ADCY5: variants seen among roughly 807,000 people sequenced by gnomAD.
ADCY5 encodes adenylate cyclase type 5.
A neutral mutation model predicts 119.7 loss-of-function variants in ADCY5; 30 were observed. The ratio of observed to expected loss-of-function variants is 0.25; its 90% CI spans 0.19 to 0.34. ADCY5 has a LOEUF of 0.34. Among genes scored for constraint, ADCY5 ranks in the 10% least tolerant of loss-of-function variants. The pLI, the probability that ADCY5 is intolerant of heterozygous loss-of-function variation, is 1.00. For missense variants in ADCY5, 1,324 were observed against 1,775.2 expected (o/e 0.75, Z 4.57); for synonymous variants, 753 against 762.2 (o/e 0.99, Z 0.20).
In ADCY5 at chr3:123,286,194, G is replaced by A. The variant is rs570261265; in HGVS notation, c.3657+491C>T. ...CCCAGCTCGCAAAGGAGGGAGCAAG[G>A]GGAAAAGGCCTCTGAGTCTGTGGCC... On this transcript the variant is annotated intron_variant, in intron 20 of 20. Coordinates refer to ENST00000462833, the MANE Select transcript of ADCY5 (RefSeq NM_183357.3). The surrounding 1 kb of genome is among the most constrained non-coding windows in gnomAD (Gnocchi z 4.2). Among the ~76,000 whole-genome samples, 1 of 152,316 alleles carries A rather than the reference G, an allele frequency of 6.6e-6. No homozygotes were observed. Among genetic ancestry groups the A allele is most frequent in the Admixed American group, 6.5e-5 (1 of 15,308 alleles).
intron 1 of ADCY5, among the ~76,000 whole-genome samples, chr3:123,430,159 C>A (rs183511403): frequency 6.6e-6 from 1 of 152,350 alleles, no homozygotes; most frequent in East Asian, 1.9e-4. Context: ...CATTCCATAT[C>A]TTTCAGTTCC....
At chr3:123,339,359 AT>A (rs1480253686) in intron 3 of ADCY5, among the ~76,000 whole-genome samples, 1 of 152,150 alleles carries the variant, frequency 6.6e-6, no homozygotes, top group Non-Finnish European at 1.5e-5. Context: ...GTGTGGTCTT[AT>A]TAACACTGGG....
chr3:123,358,190 G>GTGTGTT (rs1241540478), intron 1 of ADCY5, among the ~76,000 whole-genome samples: 2 of 116,208 alleles, frequency 1.7e-5, no homozygotes, highest in Non-Finnish European at 4.0e-5. Flanking sequence ...GTGTGTGTGT[G>GTGTGTT]TGTGTAGGGA....
chr3:123,322,692 G>A (rs1941286102), intron 8 of ADCY5, among the ~76,000 whole-genome samples: 1 of 152,174 alleles, frequency 6.6e-6, no homozygotes, highest in South Asian at 2.1e-4. Flanking sequence ...GGTTTGGTGA[G>A]AGGAGCTCAA....
chr3:123,339,423 A>T (rs1942173621), intron 3 of ADCY5, among the ~76,000 whole-genome samples: 1 of 152,126 alleles, frequency 6.6e-6, no homozygotes, highest in Non-Finnish European at 1.5e-5. Context: ...AAAAAAGATG[A>T]GAGAGGGGCA....
At position 123,296,192 on chromosome 3, in the gene ADCY5, T is replaced by C. The variant is rs1939493756; in HGVS notation, c.2955A>G (p.Ala985=). Residue 985 remains alanine (A), a synonymous_variant, in exon 17 of 21, where the codon GCA becomes GCG. Coordinates refer to ENST00000462833, the MANE Select transcript of ADCY5 (RefSeq NM_183357.3). The part of the protein sequence containing the change: ...SQCPEHATKV[A]LKVVTPIIIS... ...TGATGATGGGCGTCACCACCTTCAA[T>C]GCCACCTTGGTTGCATGCTCAGGGC... The C allele has an allele frequency of 6.2e-7, 1 of 1,613,814 alleles. No individual in the cohort carries two copies. The highest frequency in any genetic ancestry group is 1.7e-5 in the Admixed American group (1 of 60,002).
intron 1 of ADCY5, among the ~76,000 whole-genome samples, chr3:123,413,516 G>A (rs1283889288): frequency 6.6e-6 from 1 of 152,200 alleles, no homozygotes; most frequent in Non-Finnish European, 1.5e-5. Context: ...CCTGTGTTGA[G>A]AGGCCAGGTC....
intron 1 of ADCY5, among the ~76,000 whole-genome samples, chr3:123,431,460 G>A (rs976905257): frequency 4.0e-5 from 6 of 150,232 alleles, no homozygotes; most frequent in Non-Finnish European, 8.9e-5. Flanking sequence ...AAAAAAAAAT[G>A]AGAGAGAGGA....
intron 1 of ADCY5, among the ~76,000 whole-genome samples, chr3:123,412,405 A>G (rs1183972448): frequency 6.6e-6 from 1 of 152,220 alleles, no homozygotes; most frequent in East Asian, 1.9e-4. Context: ...GATGCCAGAC[A>G]ACGCAACCAC....
rs138488088 is a variant in ADCY5 at position 123,447,636 on chromosome 3, C to T, written c.910G>A (p.Ala304Thr). 111 of 1,608,850 alleles carry T rather than the reference C, an allele frequency of 6.9e-5. No individual in the cohort carries two copies. In the African/African-American group the frequency reaches 1.4e-3, roughly 20 times the overall value. The change falls in exon 1 of 21, where the codon GCG (alanine) becomes ACG (threonine). Residue 304 changes from alanine (A) to threonine (T), a missense_variant. Physicochemically the swap from Ala to Thr is moderately conservative, Grantham distance 58. Transcript: ENST00000462833. ...HQDHMGLACY[A>T]LIAVVLAVQV... is the part of the protein sequence containing the mutation. ...ACGGCCAGCACCACGGCGATGAGCG[C>T]ATAGCAGGCCAGGCCCATGTGGTCC...
At chr3:123,423,131 C>T (rs1945334170) in intron 1 of ADCY5, among the ~76,000 whole-genome samples, 1 of 152,174 alleles carries the variant, frequency 6.6e-6, no homozygotes, top group Non-Finnish European at 1.5e-5. Context: ...TCTGGCCTCA[C>T]TCTTGAGCCC....
intron 3 of ADCY5, among the ~76,000 whole-genome samples, chr3:123,345,288 C>T (rs768343844): frequency 3.9e-5 from 6 of 152,218 alleles, no homozygotes; most frequent in Non-Finnish European, 7.3e-5. Context: ...TGGGCCGAGG[C>T]GCAGGGGTGG....
chr3:123,284,585 C>T lies in ADCY5; in HGVS notation c.*23G>A. 5.6e-6 allele frequency: 9 copies of T among 1,614,024 alleles called. No homozygotes were observed. The highest frequency in any genetic ancestry group is 1.1e-5 in the South Asian group (1 of 91,070). ...TCCATGCCTCTGGAGGCCAGGCTGCCTGGCACCATTGGCCAACAGCTGCTA... is the reference window on the plus strand; with the variant it reads ...TCCATGCCTCTGGAGGCCAGGCTGCTTGGCACCATTGGCCAACAGCTGCTA... On this transcript the variant is annotated 3_prime_UTR_variant, in exon 21 of 21. Transcript: ENST00000462833.
chr3:123,312,211 G>A (rs1325025035), intron 12 of ADCY5, among the ~76,000 whole-genome samples: 1 of 152,186 alleles, frequency 6.6e-6, no homozygotes, highest in Non-Finnish European at 1.5e-5. Context: ...AAAAATGGCA[G>A]ACTATGCGCA....
intron 1 of ADCY5, among the ~76,000 whole-genome samples, chr3:123,398,577 C>T (rs994068383): frequency 2.0e-5 from 3 of 152,190 alleles, no homozygotes; most frequent in Non-Finnish European, 4.4e-5. Context: ...TCAGCTCAAG[C>T]GCCTAAAATA....
At position 123,439,981 on chromosome 3, in the gene ADCY5, C is replaced by T. The variant is rs573097502; in HGVS notation, c.1134+7431G>A. Among the ~76,000 whole-genome samples the T allele has an allele frequency of 1.2e-4, 18 of 152,276 alleles. No homozygotes were observed. The South Asian group carries it at 3.5e-3, about 30-fold the overall frequency. ...TTGCAGCAGGAGGGATTTTGGAAGC[C>T]CTGCTCAGAGTTTAGGATTACAACC... On this transcript the variant is annotated intron_variant, in intron 1 of 20. Coordinates refer to ENST00000462833, the MANE Select transcript of ADCY5 (RefSeq NM_183357.3).
At chr3:123,390,469 G>A (rs1407083720) in intron 1 of ADCY5, among the ~76,000 whole-genome samples, 1 of 152,238 alleles carries the variant, frequency 6.6e-6, no homozygotes, top group Non-Finnish European at 1.5e-5. Context: ...AGGTGAACAG[G>A]TGGCCTGTGG....
chr3:123,304,612 G>C (rs1940097998), intron 12 of ADCY5, among the ~76,000 whole-genome samples: 1 of 152,128 alleles, frequency 6.6e-6, no homozygotes, highest in African/African-American at 2.4e-5. Flanking sequence ...GGGCAGCGGT[G>C]AGTTTAAGGA....
At chr3:123,396,510 A>G (rs889044588) in intron 1 of ADCY5, among the ~76,000 whole-genome samples, 1 of 123,048 alleles carries the variant, frequency 8.1e-6, no homozygotes, top group Non-Finnish European at 1.8e-5. Flanking sequence ...AATAAGAGAA[A>G]GAAAGAAAGA....
Sources: gnomAD v4.1 joint callset for allele counts (sites outside exome capture counted in the v4.1 genomes callset) on GRCh38, gnomAD v4.1.1 for gene constraint, Gnocchi (gnomAD v3.1) non-coding constraint, MANE v1.5 for transcripts, NCBI Gene and HGNC (gene_info 2026-07-23, HGNC 2026-07-21) for gene names.